KIAA1958: variants seen among roughly 807,000 people sequenced by gnomAD.
KIAA1958 encodes uncharacterized protein KIAA1958.
Under a neutral mutation model 47.2 loss-of-function variants are expected in KIAA1958, and 14 were observed. That is an observed-to-expected ratio of 0.30 (90% CI 0.20 to 0.46). KIAA1958 has a LOEUF of 0.46. Ranked by LOEUF, KIAA1958 falls within the 20% of genes least tolerant of loss-of-function variation. KIAA1958 has a pLI of 1.00. For synonymous variants in KIAA1958, 354 were observed against 353.3 expected (o/e 1.00, Z -0.02); for missense variants, 803 against 909.2 (o/e 0.88, Z 1.50).
chr9:112,509,060 A>G (rs1834279599), intron 1 of KIAA1958, among the ~76,000 whole-genome samples: 1 of 151,050 alleles, frequency 6.6e-6, no homozygotes, highest in Admixed American at 6.7e-5. Context: ...AAAAATTTTA[A>G]AAAGAGCAAT....
intron 1 of KIAA1958, among the ~76,000 whole-genome samples, chr9:112,509,689 C>T (rs1438832295): frequency 6.6e-6 from 1 of 152,172 alleles, no homozygotes; most frequent in African/African-American, 2.4e-5. Context: ...AGGAAAAGAA[C>T]ATTCCTGAGA....
intron 1 of KIAA1958, among the ~76,000 whole-genome samples, chr9:112,524,489 A>G (rs1183356791): frequency 6.6e-6 from 1 of 152,266 alleles, no homozygotes; most frequent in African/African-American, 2.4e-5. Context: ...AAAATTTACT[A>G]TCCTAACCAT....
chr9:112,489,928 A>C (rs1833935100), intron 1 of KIAA1958, among the ~76,000 whole-genome samples: 1 of 152,232 alleles, frequency 6.6e-6, no homozygotes, highest in African/African-American at 2.4e-5. Flanking sequence ...ATTAGCAATA[A>C]ATGGAAAGCT....
intron 1 of KIAA1958, among the ~76,000 whole-genome samples, chr9:112,544,692 T>A (rs1270173079): frequency 6.6e-6 from 1 of 152,186 alleles, no homozygotes; most frequent in East Asian, 1.9e-4. Flanking sequence ...CTTAAGTGTG[T>A]TTGTTAAGCT....
At chr9:112,493,307 C>T (rs933814886) in intron 1 of KIAA1958, among the ~76,000 whole-genome samples, 7 of 152,192 alleles carry the variant, frequency 4.6e-5, no homozygotes, top group African/African-American at 1.4e-4. Flanking sequence ...TGTCCTACTA[C>T]GACTGGATAT....
chr9:112,536,217 G>C (rs1203811401), intron 1 of KIAA1958, among the ~76,000 whole-genome samples: 4 of 152,148 alleles, frequency 2.6e-5, no homozygotes, highest in African/African-American at 7.2e-5. Flanking sequence ...CTTTGGATAA[G>C]CTTAGTCTCA....
chr9:112,574,723 G>T lies in KIAA1958; in HGVS notation c.643G>T (p.Ala215Ser). 6.2e-7 allele frequency: 1 copy of T among 1,614,174 alleles called. No homozygotes were observed. Among genetic ancestry groups the T allele is most frequent in the Non-Finnish European group, 8.5e-7 (1 of 1,180,038 alleles). ...QEIPEDYYIV[A>S]NAELTGGVDG... ...AATCCCCGAAGATTATTACATTGTG[G>T]CAAATGCAGAACTGACAGGAGGAGT... The change falls in exon 2 of 4, where the codon GCA (alanine) becomes TCA (serine). Residue 215 changes from alanine (A) to serine (S), a missense_variant. Ala to Ser is a moderately conservative substitution (Grantham distance 99). This residue lies in a region of KIAA1958 where 761 missense variants were observed against 829.3 expected (regional missense o/e 0.92). Coordinates refer to ENST00000337530, the MANE Select transcript of KIAA1958 (RefSeq NM_133465.4).
At chr9:112,617,054 C>T (rs974580392) in intron 2 of KIAA1958, among the ~76,000 whole-genome samples, 5 of 152,202 alleles carry the variant, frequency 3.3e-5, no homozygotes, top group African/African-American at 4.8e-5. Flanking sequence ...ATTACTTAAC[C>T]TTGGATGATC....
At chr9:112,587,662 TC>T (rs1835849308) in intron 2 of KIAA1958, among the ~76,000 whole-genome samples, 1 of 152,202 alleles carries the variant, frequency 6.6e-6, no homozygotes, top group African/African-American at 2.4e-5. Context: ...AGGATTGCTT[TC>T]TTAGACCCAA....
At chr9:112,576,496 C>T (rs1169714554) in intron 2 of KIAA1958, among the ~76,000 whole-genome samples, 1 of 152,124 alleles carries the variant, frequency 6.6e-6, no homozygotes, top group Non-Finnish European at 1.5e-5. Context: ...ATCCCATACC[C>T]ATTAACAGTC....
At position 112,574,340 on chromosome 9, in the gene KIAA1958, T is replaced by C. The variant is rs1835595570; in HGVS notation, c.260T>C (p.Ile87Thr). The change falls in exon 2 of 4, where the codon ATA becomes ACA. Residue 87 changes from isoleucine (I) to threonine (T), a missense_variant. Physicochemically the swap from Ile to Thr is moderately conservative, Grantham distance 89. Around this residue, in one of 2 missense-constraint regions of KIAA1958, gnomAD observed 761 missense variants for 829.3 expected, o/e 0.92. Coordinates refer to ENST00000337530, the MANE Select transcript of KIAA1958 (RefSeq NM_133465.4). ...NRSFNSDSPS[I>T]IGVPSETQTS... ...AGTTTTAACTCTGATAGTCCCAGTA[T>C]AATCGGGGTGCCCTCTGAGACACAG... 5 of 1,614,130 alleles carry C rather than the reference T, an allele frequency of 3.1e-6. No homozygotes were observed. Among genetic ancestry groups the C allele is most frequent in the East Asian group, 4.5e-5 (2 of 44,878 alleles).
intron 2 of KIAA1958, among the ~76,000 whole-genome samples, chr9:112,643,684 A>G (rs1277980761): frequency 6.6e-6 from 1 of 152,188 alleles, no homozygotes; most frequent in East Asian, 1.9e-4. Flanking sequence ...GATTGAAAGC[A>G]CAAAGACATG....
chr9:112,573,172 C>A (rs74422410), intron 1 of KIAA1958, among the ~76,000 whole-genome samples: 1 of 152,162 alleles, frequency 6.6e-6, no homozygotes, highest in East Asian at 1.9e-4. Context: ...ACAAGGGCTT[C>A]TTTTTGTCTC....
chr9:112,543,806 C>CA (rs1404158162), intron 1 of KIAA1958, among the ~76,000 whole-genome samples: 1 of 152,076 alleles, frequency 6.6e-6, no homozygotes, highest in Non-Finnish European at 1.5e-5. Context: ...CTTCCGACCT[C>CA]AGATGATCCA....
Position 112,645,819 on chromosome 9 carries a change from C to G in KIAA1958, c.1341C>G (p.Thr447=). The G allele has an allele frequency of 6.2e-7, 1 of 1,612,546 alleles. No homozygotes were observed. Among genetic ancestry groups the G allele is most frequent in the South Asian group, 1.1e-5 (1 of 90,714 alleles). ...TNGLKDHTDI[T]KIPAVKLNEL... ...GGCTCAAAGACCACACAGACATCAC[C>G]AAGGTAAGGGACTCTTGAGTTTACT... The change falls in exon 3 of 4, where the codon ACC becomes ACG. Residue 447 remains threonine, a synonymous_variant. Coordinates refer to ENST00000337530, the MANE Select transcript of KIAA1958 (RefSeq NM_133465.4).
intron 1 of KIAA1958, among the ~76,000 whole-genome samples, chr9:112,540,279 G>C (rs1222744598): frequency 3.9e-5 from 6 of 152,108 alleles, no homozygotes; most frequent in African/African-American, 1.4e-4. Context: ...AAAACAACCT[G>C]TATTTAAATA....
intron 1 of KIAA1958, among the ~76,000 whole-genome samples, chr9:112,516,015 A>G (rs1279039551): frequency 6.6e-6 from 1 of 152,090 alleles, no homozygotes; most frequent in East Asian, 1.9e-4. Flanking sequence ...AGACTGAGGG[A>G]AAAAAATTCA....
chr9:112,586,381 CCTT>C (rs1835822646), intron 2 of KIAA1958, among the ~76,000 whole-genome samples: 1 of 152,220 alleles, frequency 6.6e-6, no homozygotes, highest in African/African-American at 2.4e-5. Flanking sequence ...GGACTAGTGA[CCTT>C]CTTTAAGAAC....
At position 112,659,852 on chromosome 9, in the gene KIAA1958, A is replaced by G. The variant is rs561753728; in HGVS notation, c.1934A>G (p.Gln645Arg). Residue 645 changes from glutamine (Q) to arginine (R), a missense_variant, in exon 4 of 4, where the codon CAA (glutamine) becomes CGA (arginine). This residue lies in a region of KIAA1958 where 761 missense variants were observed against 829.3 expected (regional missense o/e 0.92). Coordinates refer to ENST00000337530, the MANE Select transcript of KIAA1958 (RefSeq NM_133465.4). ...KYMYIHRPPT[Q>R]MEAKSPFYLT... ...ATGTACATCCACCGGCCGCCCACCC[A>G]AATGGAGGCCAAGTCCCCCTTCTAC... 1.2e-6 allele frequency: 2 copies of G among 1,614,042 alleles called. No individual in the cohort carries two copies. The highest frequency in any genetic ancestry group is 4.5e-5 in the East Asian group (2 of 44,892).
Sources: gnomAD v4.1 joint callset for allele counts (sites outside exome capture counted in the v4.1 genomes callset) on GRCh38, gnomAD v4.1.1 for gene constraint, gnomAD v4.1.1 regional missense constraint, MANE v1.5 for transcripts, NCBI Gene and HGNC (gene_info 2026-07-23, HGNC 2026-07-21) for gene names.